F13A1: variants seen among roughly 807,000 people sequenced by gnomAD.
The protein encoded by F13A1 is coagulation factor XIII A chain.
In F13A1, 47 loss-of-function variants were observed where a neutral mutation model predicts 80.1. The ratio of observed to expected loss-of-function variants is 0.59; its 90% CI spans 0.46 to 0.75. The LOEUF (loss-of-function observed/expected upper bound fraction) is 0.75, where lower values mean the gene tolerates loss of function less well. F13A1 is among the 30% of genes least tolerant of loss of function. F13A1 has a pLI of 0.00. For missense variants in F13A1, 817 were observed against 930.4 expected (o/e 0.88, Z 1.59); for synonymous variants, 349 against 344.9 (o/e 1.01, Z -0.13).
chr6:6,203,030 T>C (rs1233504668), intron 8 of F13A1, among the ~76,000 whole-genome samples: 5 of 152,208 alleles, frequency 3.3e-5, no homozygotes, highest in African/African-American at 1.2e-4. Context: ...GTGTGTTATG[T>C]AAGAATGTTC....
chr6:6,197,949 C>CAG (rs3024430), intron 8 of F13A1, among the ~76,000 whole-genome samples: 98,359 of 151,912 alleles, frequency 0.65, 32,985 homozygotes, highest in African/African-American at 0.83. Flanking sequence ...ACTAACGAAA[C>CAG]AACTTACTAG....
intron 4 of F13A1, among the ~76,000 whole-genome samples, chr6:6,264,059 T>C (rs922023670): frequency 2.0e-5 from 3 of 152,150 alleles, no homozygotes; most frequent in African/African-American, 7.2e-5. Flanking sequence ...CCTAAGTGAC[T>C]TTTTCAGAAC....
chr6:6,269,824 C>T (rs1161988031), intron 3 of F13A1, among the ~76,000 whole-genome samples: 4 of 152,078 alleles, frequency 2.6e-5, no homozygotes, highest in African/African-American at 9.7e-5. Flanking sequence ...TGCCATTCTC[C>T]TGCCTCAGCC....
intron 2 of F13A1, among the ~76,000 whole-genome samples, chr6:6,317,169 G>C (rs1177933444): frequency 6.6e-6 from 1 of 152,162 alleles, no homozygotes; most frequent in Non-Finnish European, 1.5e-5. Flanking sequence ...TTTGATATCT[G>C]TAGGCTTTTG....
At chr6:6,318,404 C>T in intron 2 of F13A1, 131 bp downstream of exon 2, 1 of 1,196,594 alleles carries the variant, frequency 8.4e-7, no homozygotes, top group Non-Finnish European at 1.2e-6. Flanking sequence ...TTTATAAAAC[C>T]AGAGATTGGC....
intron 8 of F13A1, among the ~76,000 whole-genome samples, chr6:6,198,655 C>T (rs535137896): frequency 1.3e-5 from 2 of 151,482 alleles, no homozygotes; most frequent in Non-Finnish European, 3.0e-5. Flanking sequence ...TAGATTCTTA[C>T]CCATAAAGGG....
chr6:6,311,647 A>AATATATAAAAACATATATTGTTTATATG (rs1561687973), intron 2 of F13A1, among the ~76,000 whole-genome samples: 1 of 144,382 alleles, frequency 6.9e-6, no homozygotes, highest in Non-Finnish European at 1.5e-5. Context: ...TTGTTTATAT[A>AATATATAAAAACATATATTGTTTATATG]TTATATATTG....
intron 6 of F13A1, among the ~76,000 whole-genome samples, chr6:6,235,320 G>A (rs890810219): frequency 6.6e-6 from 1 of 151,870 alleles, no homozygotes; most frequent in African/African-American, 2.4e-5. Context: ...TCTTTGAAAG[G>A]CCCTGTGAAG....
At chr6:6,273,290 G>A (rs908849382) in intron 3 of F13A1, among the ~76,000 whole-genome samples, 3 of 152,032 alleles carry the variant, frequency 2.0e-5, no homozygotes, top group Non-Finnish European at 2.9e-5. Context: ...GTACCCAGTC[G>A]GTACCTAATA....
intron 10 of F13A1, among the ~76,000 whole-genome samples, chr6:6,192,919 T>C (rs1403874578): frequency 1.3e-5 from 2 of 151,966 alleles, no homozygotes; most frequent in Non-Finnish European, 2.9e-5. Context: ...AAGGAGAGAG[T>C]TCTTCACTAA....
At chr6:6,202,112 T>A (rs946631288) in intron 8 of F13A1, among the ~76,000 whole-genome samples, 2 of 152,168 alleles carry the variant, frequency 1.3e-5, no homozygotes, top group African/African-American at 4.8e-5. Flanking sequence ...CATTTGAAAT[T>A]TACTCTCCTG....
At chr6:6,155,514 A>G (rs1016059435) in intron 13 of F13A1, among the ~76,000 whole-genome samples, 1 of 152,062 alleles carries the variant, frequency 6.6e-6, no homozygotes, top group East Asian at 1.9e-4. Context: ...TTTTGCAATT[A>G]ACAAAGACCA....
intron 6 of F13A1, among the ~76,000 whole-genome samples, chr6:6,247,156 C>T (rs1242642271): frequency 6.6e-6 from 1 of 152,146 alleles, no homozygotes; most frequent in East Asian, 1.9e-4. Flanking sequence ...TTCTTAAATT[C>T]ACATGTAGCT....
intron 3 of F13A1, among the ~76,000 whole-genome samples, chr6:6,283,070 T>C (rs541472562): frequency 3.8e-4 from 58 of 152,350 alleles, no homozygotes; most frequent in Non-Finnish European, 6.5e-4. Flanking sequence ...GTAAAAGTTA[T>C]GTGCAACCAG....
chr6:6,226,518 A>T (rs575615158), intron 6 of F13A1, among the ~76,000 whole-genome samples: 2 of 152,224 alleles, frequency 1.3e-5, no homozygotes, highest in Non-Finnish European at 2.9e-5. Context: ...AGACATTAAA[A>T]CATGGTGAGC....
At chr6:6,282,327 T>C (rs1251860527) in intron 3 of F13A1, among the ~76,000 whole-genome samples, 1 of 152,172 alleles carries the variant, frequency 6.6e-6, no homozygotes, top group Admixed American at 6.5e-5. Context: ...CTGAAACTAG[T>C]TGGAACAGTC....
intron 8 of F13A1, among the ~76,000 whole-genome samples, chr6:6,210,718 T>C (rs1281734865): frequency 6.6e-6 from 1 of 150,576 alleles, no homozygotes; most frequent in Admixed American, 6.6e-5. Flanking sequence ...AATAAGGATG[T>C]TAATTATTTT....
At position 6,305,556 on chromosome 6, in the gene F13A1, C is replaced by A. The variant is rs939756581; in HGVS notation, c.131-17G>T. The A allele has an allele frequency of 1.1e-5, 17 of 1,613,594 alleles. No individual in the cohort carries two copies. The highest frequency in any genetic ancestry group is 1.4e-5 in the Non-Finnish European group (16 of 1,179,540). ...TAAGAAACTCTATGAACAAGAAAAA[C>A]AAGGGTTGAAGAAAATAATCAACTA... On this transcript the variant is annotated splice_polypyrimidine_tract_variant and intron_variant, in intron 2 of 14. Coordinates refer to ENST00000264870, the MANE Select transcript of F13A1 (RefSeq NM_000129.4).
intron 3 of F13A1, among the ~76,000 whole-genome samples, chr6:6,281,804 G>A (rs890972496): frequency 6.6e-6 from 1 of 151,614 alleles, no homozygotes; most frequent in Admixed American, 6.6e-5. Flanking sequence ...CCATCCTGGC[G>A]AACTTGGTGA....
Sources: allele counts gnomAD v4.1 joint callset (sites outside exome capture counted in the v4.1 genomes callset), GRCh38; gene constraint gnomAD v4.1.1; transcripts MANE v1.5; gene names NCBI Gene and HGNC (gene_info 2026-07-23, HGNC 2026-07-21).